Variants in SGCD observed in about 807,000 individuals in gnomAD.
The protein encoded by SGCD is sarcoglycan delta.
A neutral mutation model predicts 36.6 loss-of-function variants in SGCD; 18 were observed. That is an observed-to-expected ratio of 0.49 (90% CI 0.34 to 0.73). SGCD has a LOEUF of 0.73. Ranked by LOEUF, SGCD falls within the 30% of genes least tolerant of loss-of-function variation. SGCD has a pLI of 0.01. For missense variants in SGCD, 387 were observed against 346.7 expected, an observed-to-expected ratio of 1.12 and a Z score of -0.92; for synonymous variants, 133 against 130.6, an observed-to-expected ratio of 1.02 and a Z score of -0.12.
intron 3 of SGCD, among the ~76,000 whole-genome samples, chr5:156,311,301 A>G (rs1581235590): frequency 6.6e-6 from 1 of 152,080 alleles, no homozygotes; most frequent in African/African-American, 2.4e-5. Flanking sequence ...GCTATGAAAG[A>G]CTCAATGTCA....
chr5:156,233,630 T>C (rs185209763), intron 3 of SGCD, among the ~76,000 whole-genome samples: 1 of 152,306 alleles, frequency 6.6e-6, no homozygotes, highest in African/African-American at 2.4e-5. Flanking sequence ...TGTGTGCAAC[T>C]AAAAGGGAAC....
intron 4 of SGCD, among the ~76,000 whole-genome samples, chr5:156,528,739 T>C (rs1240223490): frequency 6.6e-6 from 1 of 152,198 alleles, no homozygotes; most frequent in Non-Finnish European, 1.5e-5. Flanking sequence ...TGACCTCCTA[T>C]ATGCCTTGAT....
At chr5:156,400,129 T>G (rs1181071787) in intron 3 of SGCD, among the ~76,000 whole-genome samples, 1 of 152,148 alleles carries the variant, frequency 6.6e-6, no homozygotes, top group Non-Finnish European at 1.5e-5. Context: ...CCAGCTTCAG[T>G]GAGCATCAGA....
the SGCD span, among the ~76,000 whole-genome samples, chr5:155,796,699 G>A: frequency 2.0e-5 from 3 of 150,918 alleles, no homozygotes; most frequent in Non-Finnish European, 2.9e-5. Flanking sequence ...ACAGCTGCTT[G>A]GGAGGCTGAG....
At chr5:156,617,412 T>C (rs1762059778) in intron 6 of SGCD, among the ~76,000 whole-genome samples, 2 of 152,196 alleles carry the variant, frequency 1.3e-5, no homozygotes, top group South Asian at 2.1e-4. Flanking sequence ...TGGAGGATCA[T>C]GGGGAAGGAA....
At chr5:156,619,922 C>T (rs1049473874) in intron 6 of SGCD, among the ~76,000 whole-genome samples, 5 of 152,316 alleles carry the variant, frequency 3.3e-5, no homozygotes. Context: ...GCACCGTCTT[C>T]CCTGGGAACA....
intron 1 of SGCD, among the ~76,000 whole-genome samples, chr5:155,916,548 A>G (rs1025254696): frequency 6.6e-6 from 1 of 152,160 alleles, no homozygotes; most frequent in Non-Finnish European, 1.5e-5. Flanking sequence ...TTGCACTCAG[A>G]TTTAATGTGA....
At chr5:156,056,746 G>A (rs891186787) in intron 1 of SGCD, among the ~76,000 whole-genome samples, 9 of 143,872 alleles carry the variant, frequency 6.3e-5, no homozygotes, top group Non-Finnish European at 1.4e-4. Context: ...TGAATTAAAC[G>A]TTTTCTCTAT....
chr5:156,699,238 A>T (rs546811040), intron 7 of SGCD, among the ~76,000 whole-genome samples: 1 of 152,236 alleles, frequency 6.6e-6, no homozygotes, highest in African/African-American at 2.4e-5. Context: ...AATCAGGTAT[A>T]GAGTGGGGTA....
At chr5:156,378,325 G>A (rs1052338089) in intron 3 of SGCD, among the ~76,000 whole-genome samples, 5 of 152,164 alleles carry the variant, frequency 3.3e-5, no homozygotes, top group Non-Finnish European at 5.9e-5. Flanking sequence ...TAGAAAGATG[G>A]TTGCCAAGGG....
At chr5:156,271,048 A>C (rs534199554) in intron 3 of SGCD, among the ~76,000 whole-genome samples, 1 of 152,328 alleles carries the variant, frequency 6.6e-6, no homozygotes, top group Non-Finnish European at 1.5e-5. Flanking sequence ...GGCTTAAGTA[A>C]AATAAGGAGT....
intron 7 of SGCD, among the ~76,000 whole-genome samples, chr5:156,681,083 T>C (rs1205589580): frequency 5.3e-5 from 8 of 152,320 alleles, no homozygotes; most frequent in African/African-American, 1.7e-4. Flanking sequence ...CTCTGCCATC[T>C]GCGGAGGGCC....
At chr5:156,280,651 C>A (rs1766430518) in intron 3 of SGCD, among the ~76,000 whole-genome samples, 1 of 152,140 alleles carries the variant, frequency 6.6e-6, no homozygotes, top group Non-Finnish European at 1.5e-5. Flanking sequence ...TGATATTTTT[C>A]TTGTTCAGGG....
chr5:156,096,743 A>G (rs1407214767), intron 1 of SGCD, among the ~76,000 whole-genome samples: 1 of 152,238 alleles, frequency 6.6e-6, no homozygotes, highest in Non-Finnish European at 1.5e-5. Context: ...ATTTCTTAAG[A>G]AGCTAAACAT....
intron 1 of SGCD, among the ~76,000 whole-genome samples, chr5:156,040,106 G>T (rs1193452843): frequency 4.6e-5 from 7 of 152,174 alleles, no homozygotes; most frequent in African/African-American, 1.4e-4. Context: ...AATGGCAAAA[G>T]CATGAAGTGA....
intron 1 of SGCD, among the ~76,000 whole-genome samples, chr5:155,954,384 G>A (rs1449856814): frequency 6.6e-6 from 1 of 152,058 alleles, no homozygotes; most frequent in Non-Finnish European, 1.5e-5. Context: ...ACATACACAC[G>A]GAGTGTGCAG....
chr5:156,028,241 C>T (rs941445396), intron 1 of SGCD, among the ~76,000 whole-genome samples: 1 of 152,114 alleles, frequency 6.6e-6, no homozygotes, highest in South Asian at 2.1e-4. Context: ...GTAGAATGTG[C>T]GTTCAGCCCA....
chr5:156,227,329 T>C (rs1764885669), intron 3 of SGCD, among the ~76,000 whole-genome samples: 1 of 152,146 alleles, frequency 6.6e-6, no homozygotes, highest in African/African-American at 2.4e-5. Flanking sequence ...GGCTAGCCAA[T>C]TATCTCAGCA....
At chr5:156,287,474 G>A (rs1171473034) in intron 3 of SGCD, among the ~76,000 whole-genome samples, 2 of 152,084 alleles carry the variant, frequency 1.3e-5, no homozygotes, top group African/African-American at 4.8e-5. Flanking sequence ...TCCCAATAGA[G>A]AGATGTACTG....
Sources: gnomAD v4.1 joint callset for allele counts (sites outside exome capture counted in the v4.1 genomes callset) on GRCh38, gnomAD v4.1.1 for gene constraint, MANE v1.5 for transcripts, NCBI Gene and HGNC (gene_info 2026-07-23, HGNC 2026-07-21) for gene names.